Variants in GGT1 observed in about 807,000 individuals in gnomAD.
The protein encoded by GGT1 is gamma-glutamyltransferase 1, also known as glutathione hydrolase 1 proenzyme.
Under a neutral mutation model 56.0 loss-of-function variants are expected in GGT1, and 21 were observed. The observed-to-expected ratio is 0.38, with a 90% CI of 0.27 to 0.54. The LOEUF is 0.54. Among genes scored for constraint, GGT1 ranks in the 20% least tolerant of loss-of-function variants. The probability of loss-of-function intolerance (pLI) is 0.82; values close to 1 mark genes in which losing one functional copy is unlikely to be tolerated. For missense variants in GGT1, 466 were observed against 787.0 expected (o/e 0.59, Z 4.88); for synonymous variants, 238 against 342.6 (o/e 0.69, Z 3.37).
In GGT1 at chr22:24,625,566, G is replaced by A. The variant is rs187553930; in HGVS notation, c.1020+1650G>A. 3.5e-3 allele frequency among the ~76,000 whole-genome samples: 523 copies of A among 150,904 alleles called. 6 individuals carry two copies. The highest frequency in any genetic ancestry group is 0.012 in the African/African-American group (494 of 40,960). ...CAGGTGTGTTTTTTTTTTTGAGACAGAGTCTCGCTCTGTTGCCCAGGCTGG... is the reference window on the plus strand; with the variant it reads ...CAGGTGTGTTTTTTTTTTTGAGACAAAGTCTCGCTCTGTTGCCCAGGCTGG... On this transcript the variant is annotated intron_variant, in intron 11 of 15. Coordinates refer to ENST00000400382, the MANE Select transcript of GGT1 (RefSeq NM_001288833.2).
At chr22:24,625,076 C>T (rs1601760208) in intron 11 of GGT1, among the ~76,000 whole-genome samples, 1 of 152,210 alleles carries the variant, frequency 6.6e-6, no homozygotes. Flanking sequence ...ATGTTTCTGT[C>T]GGATTTCCTA....
At chr22:24,609,926 CCA>C in intron 2 of GGT1, 37 bp from the exon 3 acceptor site, 3 of 449,274 alleles carry the variant, frequency 6.7e-6, no homozygotes, top group Non-Finnish European at 9.3e-6. Flanking sequence ...CAAGCCCTGC[CCA>C]CAGTCTAACC....
chr22:24,613,866 A>G (rs1268420543), intron 5 of GGT1, among the ~76,000 whole-genome samples: 1 of 152,200 alleles, frequency 6.6e-6, no homozygotes, highest in East Asian at 1.9e-4. Context: ...CTTGGGCAAC[A>G]TAGAAAGACC....
chr22:24,620,144 A>C lies in GGT1; in HGVS notation c.383-184A>C, dbSNP rs1174296224. 2.0e-5 allele frequency among the ~76,000 whole-genome samples: 3 copies of C among 152,036 alleles called. No individual in the cohort carries two copies. The highest frequency in any genetic ancestry group is 4.4e-5 in the Non-Finnish European group (3 of 67,996). ...GGTGGGAGGATCGCTTGAATCCAGG[A>C]GTTCGAGATCGGGCTGGGCAAGATG... On this transcript the variant is annotated intron_variant, in intron 7 of 15. Coordinates refer to ENST00000400382, the MANE Select transcript of GGT1 (RefSeq NM_001288833.2). The surrounding 1 kb of genome is among the most constrained non-coding windows in gnomAD (Gnocchi z 5.6).
intron 11 of GGT1, chr22:24,627,193 A>G: frequency 8.5e-7 from 1 of 1,176,916 alleles, no homozygotes; most frequent in South Asian, 1.6e-5. Flanking sequence ...GAATGCAGCA[A>G]GGGTCTGGAG....
At chr22:24,613,603 A>T (rs1433176880) in intron 5 of GGT1, among the ~76,000 whole-genome samples, 1 of 151,732 alleles carries the variant, frequency 6.6e-6, no homozygotes, top group Non-Finnish European at 1.5e-5. Context: ...ATAAAAAGTT[A>T]GCCGGGCATG....
Position 24,620,625 on chromosome 22 carries a change from T to G in GGT1, c.575+105T>G. 6.4e-7 allele frequency: 1 copy of G among 1,573,110 alleles called. No individual in the cohort carries two copies. Among genetic ancestry groups the G allele is most frequent in the Non-Finnish European group, 8.6e-7 (1 of 1,160,964 alleles). Reference sequence around the variant, plus strand: ...GCAGCCCTCTGCCTTCAGGACCCTGTGCTGATAATGGGATGAGGAGATACA... The same window carrying G: ...GCAGCCCTCTGCCTTCAGGACCCTGGGCTGATAATGGGATGAGGAGATACA... On this transcript the variant is annotated intron_variant, in intron 8 of 15. Coordinates refer to ENST00000400382, the MANE Select transcript of GGT1 (RefSeq NM_001288833.2). This position sits in a 1 kb window ranked among gnomAD's most constrained non-coding sequence, Gnocchi z 5.6.
the GGT1 span, chr22:24,588,157 C>T: frequency 1.4e-6 from 2 of 1,380,914 alleles, no homozygotes; most frequent in Non-Finnish European, 2.0e-6. Context: ...CAGGTGTCAA[C>T]CTGAGAAGGG....
chr22:24,585,527 G>A, the GGT1 span: 1 of 290,956 alleles, frequency 3.4e-6, no homozygotes, highest in Non-Finnish European at 6.5e-6. Context: ...GAAGGTCAGT[G>A]TGACCTTTGT....
At chr22:24,618,888 T>C (rs1376019252) in intron 7 of GGT1, among the ~76,000 whole-genome samples, 1 of 152,094 alleles carries the variant, frequency 6.6e-6, no homozygotes, top group Non-Finnish European at 1.5e-5. Flanking sequence ...GTCTGTAGTG[T>C]CCTTATGGGC....
the GGT1 span, chr22:24,588,384 G>A: frequency 7.1e-7 from 1 of 1,402,654 alleles, no homozygotes; most frequent in Non-Finnish European, 1.0e-6. Context: ...CCCACCTCAG[G>A]GCCTTGGGGA....
rs1424233583 is a variant in GGT1 at position 24,605,634 on chromosome 22, TTA to T, written c.-429+2116_-429+2117del. The stretch of plus-strand genomic sequence containing the variant: ...TATATATAATATTATATAATGTGTA[TTA>T]TATATATAATATTATATAATGTGTA... On this transcript the variant is annotated intron_variant, in intron 1 of 15. Transcript: ENST00000400382. Among the ~76,000 whole-genome samples, 6 of 45,660 alleles carry T rather than the reference TTA, an allele frequency of 1.3e-4. 2 individuals are homozygous for T. The highest frequency in any genetic ancestry group is 7.9e-4 in the East Asian group (1 of 1,268). The allele number at this position is 45,660 out of a possible 152,430, so 30.0% of individuals were successfully genotyped here.
upstream of GGT1, among the ~76,000 whole-genome samples, chr22:24,591,838 C>T (rs1026798704): frequency 6.6e-6 from 1 of 152,262 alleles, no homozygotes; most frequent in Admixed American, 6.5e-5. Flanking sequence ...CAGACCGCAA[C>T]CTGCCAGCCT....
chr22:24,605,977 TCA>T (rs1399316949), intron 1 of GGT1, among the ~76,000 whole-genome samples: 1,460 of 57,686 alleles, frequency 0.025, 409 homozygotes, highest in African/African-American at 0.097. Flanking sequence ...ATATAATATA[TCA>T]TATATTATAT....
rs2047535156 is a variant in GGT1 at position 24,623,109 on chromosome 22, G to C, written c.736G>C (p.Gly246Arg). 1.2e-6 allele frequency: 2 copies of C among 1,611,818 alleles called. No homozygotes were observed. Among genetic ancestry groups the C allele is most frequent in the Non-Finnish European group, 1.7e-6 (2 of 1,179,796 alleles). ...QIVKDIQAAG[G>R]IVTAEDLNNY... ...TTTGAGCTGCTGTCCCATTGCAGGGGGCATTGTGACAGCTGAGGACCTGAA... is the reference window on the plus strand; with the variant it reads ...TTTGAGCTGCTGTCCCATTGCAGGGCGCATTGTGACAGCTGAGGACCTGAA... Residue 246 changes from glycine (G) to arginine (R), a missense_variant and splice_region_variant, in exon 10 of 16, where the codon GGC (glycine) becomes CGC (arginine). Around this residue, in one of 2 missense-constraint regions of GGT1, gnomAD observed 456 missense variants for 716.7 expected, o/e 0.64. Coordinates refer to ENST00000400382, the MANE Select transcript of GGT1 (RefSeq NM_001288833.2).
At chr22:24,586,518 C>G in the GGT1 span, 1 of 1,201,284 alleles carries the variant, frequency 8.3e-7, no homozygotes. Flanking sequence ...TCTGGCAAAG[C>G]CAGATTCAAA....
upstream of GGT1, chr22:24,592,820 C>T (rs1023772084): frequency 5.5e-6 from 7 of 1,266,246 alleles, no homozygotes; most frequent in African/African-American, 1.6e-5. Flanking sequence ...CCCCCAGACC[C>T]TCCCTGGCCG....
chr22:24,596,668 G>A (rs887211096), intron 1 of GGT1, among the ~76,000 whole-genome samples: 6 of 151,110 alleles, frequency 4.0e-5, no homozygotes, highest in Non-Finnish European at 8.8e-5. Flanking sequence ...TGGAGGCTGC[G>A]GTGGACGGAC....
At chr22:24,601,189 G>C (rs1198937516), upstream of GGT1, among the ~76,000 whole-genome samples, 1 of 152,206 alleles carries the variant, frequency 6.6e-6, no homozygotes, top group Non-Finnish European at 1.5e-5. Context: ...GTATGGGCCA[G>C]GCACCGCTTG....
Sources: gnomAD v4.1 joint callset for allele counts (sites outside exome capture counted in the v4.1 genomes callset) on GRCh38, gnomAD v4.1.1 for gene constraint, gnomAD v4.1.1 regional missense constraint, Gnocchi (gnomAD v3.1) non-coding constraint, MANE v1.5 for transcripts, NCBI Gene and HGNC (gene_info 2026-07-23, HGNC 2026-07-21) for gene names.